Variants in HS6ST3 observed in about 807,000 individuals in gnomAD.
HS6ST3 encodes the protein heparan sulfate 6-O-sulfotransferase 3.
A neutral mutation model predicts 36.7 loss-of-function variants in HS6ST3; 12 were observed. That is an observed-to-expected ratio of 0.33 (90% CI 0.21 to 0.53). The LOEUF is 0.53. Among genes scored for constraint, HS6ST3 ranks in the 20% least tolerant of loss-of-function variants. The pLI, the probability that HS6ST3 is intolerant of heterozygous loss-of-function variation, is 0.95. For synonymous variants in HS6ST3, 240 were observed against 257.5 expected (o/e 0.93, Z 0.65); for missense variants, 584 against 640.9 (o/e 0.91, Z 0.96).
At chr13:96,301,850 G>A (rs1365419309) in intron 1 of HS6ST3, among the ~76,000 whole-genome samples, 4 of 149,588 alleles carry the variant, frequency 2.7e-5, no homozygotes, top group African/African-American at 4.9e-5. Flanking sequence ...GCAGTAAACC[G>A]AAATTGCACC....
intron 1 of HS6ST3, among the ~76,000 whole-genome samples, chr13:96,804,952 T>C (rs1164144391): frequency 6.6e-6 from 1 of 152,212 alleles, no homozygotes; most frequent in Non-Finnish European, 1.5e-5. Context: ...ATAACTCACC[T>C]TGTTTCACAA....
chr13:96,790,099 A>G (rs1284812961), intron 1 of HS6ST3, among the ~76,000 whole-genome samples: 1 of 151,658 alleles, frequency 6.6e-6, no homozygotes, highest in Non-Finnish European at 1.5e-5. Flanking sequence ...GCATTTCTCA[A>G]TTTCTCCATT....
intron 1 of HS6ST3, among the ~76,000 whole-genome samples, chr13:96,479,841 T>A (rs1026195920): frequency 1.3e-5 from 2 of 152,208 alleles, no homozygotes; most frequent in Admixed American, 1.3e-4. Context: ...CTTCAGCCTC[T>A]GTTACCTTCA....
intron 1 of HS6ST3, among the ~76,000 whole-genome samples, chr13:96,177,245 A>G (rs955831295): frequency 6.6e-6 from 1 of 152,192 alleles, no homozygotes; most frequent in East Asian, 1.9e-4. Context: ...CAGAACTGCC[A>G]TTTAACCCAG....
At chr13:96,641,921 C>A (rs925205696) in intron 1 of HS6ST3, among the ~76,000 whole-genome samples, 1 of 151,792 alleles carries the variant, frequency 6.6e-6, no homozygotes, top group South Asian at 2.1e-4. Flanking sequence ...AAGGGATTAG[C>A]AACAAACAAA....
chr13:96,163,430 C>T lies in HS6ST3; in HGVS notation c.707+71861C>T, dbSNP rs531306569. Reference sequence around the variant, plus strand: ...ATTTTTAGTAGAGATGGGGTTTCACCGTATTAGCTAGCATGGTCTCGATCT... The same window carrying T: ...ATTTTTAGTAGAGATGGGGTTTCACTGTATTAGCTAGCATGGTCTCGATCT... On this transcript the variant is annotated intron_variant, in intron 1 of 1. Coordinates refer to ENST00000376705, the MANE Select transcript of HS6ST3 (RefSeq NM_153456.4). Among the ~76,000 whole-genome samples, 17 of 151,914 alleles carry T rather than the reference C, an allele frequency of 1.1e-4. No individual in the cohort carries two copies. The South Asian group carries it at 1.3e-3, about 11-fold the overall frequency.
In HS6ST3 at chr13:96,250,718, C is replaced by G. The variant is rs184658847; in HGVS notation, c.707+159149C>G. On this transcript the variant is annotated intron_variant, in intron 1 of 1. Transcript: ENST00000376705. ...GAATACAATACATCCTCCAACTTCT[C>G]TCCGTTCGGCAAAATATGACTAGAT... is the stretch of plus-strand genomic sequence containing the variant. Among the ~76,000 whole-genome samples, 8 of 152,278 alleles carry G rather than the reference C, an allele frequency of 5.3e-5. No homozygotes were observed. The East Asian group carries it at 9.7e-4, about 18-fold the overall frequency.
In HS6ST3 at chr13:96,832,604, A is replaced by T. The variant is rs766548912; in HGVS notation, c.822A>T (p.Arg274Ser). The change falls in exon 2 of 2, where the codon AGA (arginine) becomes AGT (serine). Residue 274 changes from arginine to serine, a missense_variant. By Grantham distance (110) the Arg-to-Ser change is moderately radical (BLOSUM62 -1). Transcript: ENST00000376705. Reference protein sequence around the residue: ...WKTSLHMCDGRSPTPDELPTC... With the variant: ...WKTSLHMCDGSSPTPDELPTC... ...CCTCTCTTCATATGTGTGATGGAAG[A>T]AGCCCCACCCCAGATGAGCTGCCTA... The T allele has an allele frequency of 6.2e-7, 1 of 1,614,144 alleles. No homozygotes were observed. Among genetic ancestry groups the T allele is most frequent in the Non-Finnish European group, 8.5e-7 (1 of 1,179,994 alleles).
At chr13:96,694,902 G>A (rs1594838252) in intron 1 of HS6ST3, among the ~76,000 whole-genome samples, 1 of 151,954 alleles carries the variant, frequency 6.6e-6, no homozygotes. Flanking sequence ...ATATATGCAT[G>A]TGCATACTCA....
At chr13:96,396,310 T>TTTTG (rs945133875) in intron 1 of HS6ST3, among the ~76,000 whole-genome samples, 25 of 112,080 alleles carry the variant, frequency 2.2e-4, no homozygotes, top group Non-Finnish European at 2.8e-4. Flanking sequence ...GGAGACTCTG[T>TTTTG]TTTGTTTGTT....
Position 96,608,337 on chromosome 13 carries a change from T to C in HS6ST3, c.708-224153T>C, listed in dbSNP as rs531994408. Among the ~76,000 whole-genome samples the C allele has an allele frequency of 2.0e-5, 3 of 152,328 alleles. No homozygotes were observed. The South Asian group carries it at 6.2e-4, about 32-fold the overall frequency. On this transcript the variant is annotated intron_variant, in intron 1 of 1. Coordinates refer to ENST00000376705, the MANE Select transcript of HS6ST3 (RefSeq NM_153456.4). ...TGATAGAATGTTGCCATTTTGCAAT[T>C]TCCAATGAATGAATATGGGCATTTA...
At chr13:96,474,672 C>T (rs143005012) in intron 1 of HS6ST3, among the ~76,000 whole-genome samples, 622 of 152,244 alleles carry the variant, frequency 4.1e-3, no homozygotes, top group Non-Finnish European at 7.9e-3. Flanking sequence ...GAACAATAAT[C>T]GGCTCCAATG....
chr13:96,512,235 A>G (rs932121570), intron 1 of HS6ST3, among the ~76,000 whole-genome samples: 3 of 152,188 alleles, frequency 2.0e-5, no homozygotes, highest in African/African-American at 7.2e-5. Context: ...CTATATAATT[A>G]TATCTTGAAA....
intron 1 of HS6ST3, among the ~76,000 whole-genome samples, chr13:96,261,354 T>G (rs2054665836): frequency 6.6e-6 from 1 of 151,398 alleles, no homozygotes; most frequent in Non-Finnish European, 1.5e-5. Flanking sequence ...AATGTAGTAA[T>G]GATAGGCTTG....
At chr13:96,605,921 G>A (rs1309070012) in intron 1 of HS6ST3, among the ~76,000 whole-genome samples, 2 of 151,598 alleles carry the variant, frequency 1.3e-5, no homozygotes, top group Admixed American at 6.6e-5. Context: ...AAAGGACAGG[G>A]ACAGATACTT....
chr13:96,644,803 G>A (rs1288281078), intron 1 of HS6ST3, among the ~76,000 whole-genome samples: 1 of 151,948 alleles, frequency 6.6e-6, no homozygotes, highest in East Asian at 1.9e-4. Flanking sequence ...TCTTGATATG[G>A]TAAATAGACA....
At chr13:96,762,626 T>A (rs1338129250) in intron 1 of HS6ST3, among the ~76,000 whole-genome samples, 1 of 152,180 alleles carries the variant, frequency 6.6e-6, no homozygotes, top group African/African-American at 2.4e-5. Context: ...AGGCTCCAGC[T>A]GGAGTCTTAT....
rs557942449 is a variant in HS6ST3 at position 96,160,105 on chromosome 13, A to G, written c.707+68536A>G. Among the ~76,000 whole-genome samples, 7 of 152,380 alleles carry G rather than the reference A, an allele frequency of 4.6e-5. No homozygotes were observed. In the East Asian group the frequency reaches 7.7e-4, roughly 17 times the overall value. On this transcript the variant is annotated intron_variant, in intron 1 of 1. Transcript: ENST00000376705. ...AAGCACTCAATAGCTAATAAAGTGA[A>G]TAATAGCAATAATAACTTAAAATCC...
intron 1 of HS6ST3, among the ~76,000 whole-genome samples, chr13:96,099,515 T>A (rs1304064216): frequency 6.6e-6 from 1 of 152,226 alleles, no homozygotes. Flanking sequence ...ATAAAAATGT[T>A]TAAACATATA....
Sources: allele counts gnomAD v4.1 joint callset (sites outside exome capture counted in the v4.1 genomes callset), GRCh38; gene constraint gnomAD v4.1.1; transcripts MANE v1.5; gene names NCBI Gene and HGNC (gene_info 2026-07-23, HGNC 2026-07-21).